Variants in BATF2 observed in about 807,000 individuals in gnomAD.
The protein encoded by BATF2 is basic leucine zipper transcriptional factor ATF-like 2.
In BATF2, 4 loss-of-function variants were observed where a neutral mutation model predicts 7.3. That is an observed-to-expected ratio of 0.55 (90% CI 0.27 to 1.26). The LOEUF (loss-of-function observed/expected upper bound fraction) is 1.26, where lower values mean the gene tolerates loss of function less well. Ranked by LOEUF, BATF2 falls within the 50% of genes most tolerant of loss-of-function variation. BATF2 has a pLI of 0.11. For synonymous variants in BATF2, 152 were observed against 153.9 expected, an observed-to-expected ratio of 0.99 and a Z score of 0.09; for missense variants, 295 against 340.5, an observed-to-expected ratio of 0.87 and a Z score of 1.05.
Position 64,996,905 on chromosome 11 carries a change from A to T in BATF2, c.10T>A (p.Cys4Ser). The T allele has an allele frequency of 6.2e-7, 1 of 1,605,408 alleles. No homozygotes were observed. The part of the protein sequence containing the change: MHL[C>S]GGNGLLTQTD... ...TGGGTCAGCAGCCCATTGCCCCCAC[A>T]GAGGTGCATGGCTTAGGCGGGGGAG... Residue 4 changes from cysteine (C) to serine (S), a missense_variant, in exon 1 of 3, where the codon TGT (cysteine) becomes AGT (serine). By Grantham distance (112) the Cys-to-Ser change is moderately radical. Transcript: ENST00000301887.
At chr11:64,990,695 G>T (rs1215762566) in intron 2 of BATF2, 2 of 867,116 alleles carry the variant, frequency 2.3e-6, no homozygotes, top group Non-Finnish European at 2.8e-6. Context: ...TGAATAAATT[G>T]AACGACTTCC....
Position 64,989,400 on chromosome 11 carries a change from A to G in BATF2, c.554T>C (p.Leu185Pro), listed in dbSNP as rs1426726709. 3 of 1,588,598 alleles carry G rather than the reference A, an allele frequency of 1.9e-6. No individual in the cohort carries two copies. The stretch of plus-strand genomic sequence containing the variant: ...ACTGAGCTTAGAGGAAGACCCCTGC[A>G]GGCTGGAACCAGTGTGCGAGGCAAA... ...LLFASHTGSS[L>P]QGSSSKLSAL... is the part of the protein sequence containing the mutation. Residue 185 changes from leucine (L) to proline (P), a missense_variant, in exon 3 of 3, where the codon CTG becomes CCG. Transcript: ENST00000301887. This position sits in a 1 kb window ranked among gnomAD's most constrained non-coding sequence, Gnocchi z 4.3.
chr11:64,992,285 C>A (rs114370800), intron 2 of BATF2, among the ~76,000 whole-genome samples: 4 of 151,910 alleles, frequency 2.6e-5, no homozygotes, highest in Non-Finnish European at 4.4e-5. Context: ...AGGCTGGTCT[C>A]GAACTCCTGG....
At position 64,989,963 on chromosome 11, in the gene BATF2, C is replaced by T. The variant is rs771349455; in HGVS notation, c.142-151G>A. The stretch of plus-strand genomic sequence containing the variant: ...TGGGGTCTCTTGGCCACTCTCTGGC[C>T]AGCCCTTCATAACCACCTACCAAGT... On this transcript the variant is annotated intron_variant, in intron 2 of 2. Coordinates refer to ENST00000301887, the MANE Select transcript of BATF2 (RefSeq NM_138456.4). The surrounding 1 kb of genome is among the most constrained non-coding windows in gnomAD (Gnocchi z 4.3). The T allele has an allele frequency of 1.4e-6, 2 of 1,465,826 alleles. No individual in the cohort carries two copies. The highest frequency in any genetic ancestry group is 3.4e-4 in the Middle Eastern group (2 of 5,820). 90.8% of individuals were successfully genotyped at this position (1,465,826 alleles called of 1,614,324 possible).
intron 2 of BATF2, among the ~76,000 whole-genome samples, chr11:64,992,812 G>A (rs1274897185): frequency 2.0e-5 from 3 of 151,610 alleles, no homozygotes; most frequent in Admixed American, 1.3e-4. Flanking sequence ...CAGTGAGCCA[G>A]GATCGTGGAC....
chr11:64,989,486 C>T lies in BATF2; in HGVS notation c.468G>A (p.Leu156=). The change falls in exon 3 of 3, where the codon CTG becomes CTA. Residue 156 remains leucine, a synonymous_variant. Transcript: ENST00000301887. This position sits in a 1 kb window ranked among gnomAD's most constrained non-coding sequence, Gnocchi z 4.3. ...CAGCAACCACAGCGGGGCCAAGGGA[C>T]AGTGAGGGCAGGGGGCACTGGAGGA... ...PSLLQCPLPS[L]SLGPAVVAEP... The T allele has an allele frequency of 6.2e-7, 1 of 1,609,218 alleles. No individual in the cohort carries two copies. Among genetic ancestry groups the T allele is most frequent in the Non-Finnish European group, 8.5e-7 (1 of 1,177,774 alleles).
At chr11:64,992,058 GTC>G (rs1946081614) in intron 2 of BATF2, among the ~76,000 whole-genome samples, 1 of 152,010 alleles carries the variant, frequency 6.6e-6, no homozygotes, top group African/African-American at 2.4e-5. Context: ...TTGAGACAGA[GTC>G]TCTCTCTGTC....
At chr11:64,990,032 G>C (rs574381) in intron 2 of BATF2, 1,093,862 of 1,537,182 alleles carry the variant, frequency 0.71, 391,334 homozygotes, top group Non-Finnish European at 0.73. Flanking sequence ...TCCGCCTGCT[G>C]TCATCCCACC....
chr11:64,991,152 A>ATTT (rs1565166784), intron 2 of BATF2, among the ~76,000 whole-genome samples: 1 of 131,354 alleles, frequency 7.6e-6, no homozygotes. Flanking sequence ...TGGAATGATG[A>ATTT]ATTTTTTTTT....
chr11:64,996,968 C>T lies in BATF2; in HGVS notation c.-54G>A, dbSNP rs1946115031. 6.7e-7 allele frequency: 1 copy of T among 1,503,490 alleles called. No homozygotes were observed. The allele number at this position is 1,503,490 out of a possible 1,614,324, so 93.1% of individuals were successfully genotyped here. On this transcript the variant is annotated 5_prime_UTR_variant, in exon 1 of 3. Transcript: ENST00000301887. ...TCAGCAGCTGTGACTTCCCAGTGCC[C>T]TCTGGAGGCCTAAGGAAGTGGCAGC...
chr11:64,992,028 TG>T (rs771101080), intron 2 of BATF2, among the ~76,000 whole-genome samples: 115 of 152,170 alleles, frequency 7.6e-4, no homozygotes, highest in Non-Finnish European at 1.4e-3. Flanking sequence ...CGCCTTTTTT[TG>T]TTGTTGTTGT....
intron 1 of BATF2, among the ~76,000 whole-genome samples, chr11:64,994,962 C>T (rs1365923841): frequency 6.6e-6 from 1 of 152,158 alleles, no homozygotes; most frequent in Admixed American, 6.6e-5. Context: ...AATTCTCCTG[C>T]CTCGGCCTCC....
intron 1 of BATF2, among the ~76,000 whole-genome samples, chr11:64,995,163 C>A (rs1590721861): frequency 6.6e-6 from 1 of 152,114 alleles, no homozygotes; most frequent in Admixed American, 6.6e-5. Context: ...CCCAGCCGAG[C>A]CCCATATTCT....
chr11:64,991,806 C>T (rs968195538), intron 2 of BATF2, among the ~76,000 whole-genome samples: 2 of 152,090 alleles, frequency 1.3e-5, no homozygotes, highest in African/African-American at 2.4e-5. Context: ...GCCTGGCACA[C>T]GGGAGACGCT....
intron 2 of BATF2, among the ~76,000 whole-genome samples, chr11:64,993,290 G>A (rs1420354414): frequency 6.6e-6 from 1 of 152,172 alleles, no homozygotes; most frequent in Non-Finnish European, 1.5e-5. Flanking sequence ...AACCCAGGAG[G>A]TAGAGGTTGT....
At chr11:64,994,572 C>T in intron 1 of BATF2, 23 bp from the exon 2 acceptor site, 1 of 1,575,332 alleles carries the variant, frequency 6.3e-7, no homozygotes, top group Non-Finnish European at 8.6e-7. Flanking sequence ...AGGCAGAGGA[C>T]TCAGGGGGCC....
chr11:64,988,619 G>T lies in BATF2; in HGVS notation c.*510C>A, dbSNP rs1946042859. The T allele has an allele frequency of 6.2e-6, 1 of 161,034 alleles. No homozygotes were observed. 10.0% of individuals were successfully genotyped at this position (161,034 alleles called of 1,614,324 possible). ...TTCTGCTTGGCCTCTACCCACCAGG[G>T]CTTGGACTCTGGACCTGCCCCAGCT... On this transcript the variant is annotated 3_prime_UTR_variant, in exon 3 of 3. Transcript: ENST00000301887.
Position 64,988,978 on chromosome 11 carries a change from G to T in BATF2, c.*151C>A. 1.4e-6 allele frequency: 1 copy of T among 733,690 alleles called. No individual in the cohort carries two copies. The highest frequency in any genetic ancestry group is 2.3e-6 in the Non-Finnish European group (1 of 429,410). 45.4% of individuals were successfully genotyped at this position (733,690 alleles called of 1,614,324 possible). A position where few individuals can be genotyped will look rare whatever the true frequency, so the allele number is the denominator to read the frequency against. On this transcript the variant is annotated 3_prime_UTR_variant, in exon 3 of 3. Transcript: ENST00000301887. ...GTGACAGGGCCTGTCACAGTGGGAG[G>T]CATCAGTGGTGGCTTCCTTTTCGAC...
rs1411821193 is a variant in BATF2 at position 64,994,538 on chromosome 11, C to T, written c.51G>A (p.Glu17=). The T allele has an allele frequency of 2.5e-6, 4 of 1,600,802 alleles. No individual in the cohort carries two copies. The African/African-American group carries it at 4.0e-5, about 16-fold the overall frequency. Residue 17 remains glutamate (E), a synonymous_variant, in exon 2 of 3, where the codon GAG becomes GAA. Transcript: ENST00000301887. ...TCTGCTTCTTCAGCTGCCTTTGTTGCTCCTTGGGGTCCTGTGGGGCATGAG... is the reference window on the plus strand; with the variant it reads ...TCTGCTTCTTCAGCTGCCTTTGTTGTTCCTTGGGGTCCTGTGGGGCATGAG... ...NGLLTQTDPK[E]QQRQLKKQKN...
Sources: gnomAD v4.1 joint callset for allele counts (sites outside exome capture counted in the v4.1 genomes callset) on GRCh38, gnomAD v4.1.1 for gene constraint, Gnocchi (gnomAD v3.1) non-coding constraint, MANE v1.5 for transcripts, NCBI Gene and HGNC (gene_info 2026-07-23, HGNC 2026-07-21) for gene names.